Variants in GPD2 observed in about 807,000 individuals in gnomAD.
The protein encoded by GPD2 is glycerol-3-phosphate dehydrogenase, mitochondrial.
In GPD2, 54 loss-of-function variants were observed where a neutral mutation model predicts 82.4. The ratio of observed to expected loss-of-function variants is 0.66; its 90% CI spans 0.53 to 0.82. The LOEUF (loss-of-function observed/expected upper bound fraction) is 0.82, where lower values mean the gene tolerates loss of function less well. Ranked by LOEUF, GPD2 falls within the 40% of genes least tolerant of loss-of-function variation. GPD2 has a pLI of 0.00. For synonymous variants in GPD2, 288 were observed against 306.1 expected (o/e 0.94, Z 0.62); for missense variants, 748 against 896.2 (o/e 0.83, Z 2.11).
intron 1 of GPD2, among the ~76,000 whole-genome samples, chr2:156,460,743 G>T (rs1682960826): frequency 6.6e-6 from 1 of 152,210 alleles, no homozygotes; most frequent in Admixed American, 6.5e-5. Context: ...TCTCTTAGAT[G>T]ACACTGTCTG....
intron 1 of GPD2, among the ~76,000 whole-genome samples, chr2:156,466,326 A>C (rs1415982122): frequency 6.6e-6 from 1 of 152,174 alleles, no homozygotes; most frequent in Non-Finnish European, 1.5e-5. Flanking sequence ...CTTTTATAGC[A>C]ATTGTATGGA....
intron 6 of GPD2, among the ~76,000 whole-genome samples, chr2:156,537,790 A>G (rs1289919630): frequency 6.6e-6 from 1 of 152,228 alleles, no homozygotes; most frequent in African/African-American, 2.4e-5. Flanking sequence ...GAGCCTATTT[A>G]TTGAATTATC....
chr2:156,442,760 C>T (rs1435820523), intron 1 of GPD2, among the ~76,000 whole-genome samples: 2 of 152,082 alleles, frequency 1.3e-5, no homozygotes, highest in East Asian at 3.9e-4. Context: ...GATTGCATTA[C>T]TGCACTCCAG....
intron 13 of GPD2, among the ~76,000 whole-genome samples, chr2:156,575,402 C>CTTTTTTTTTTTTTTT (rs35297244): frequency 1.1e-5 from 1 of 91,202 alleles, no homozygotes; most frequent in African/African-American, 4.1e-5. Context: ...CTTTTCTTTT[C>CTTTTTTTTTTTTTTT]TTTTTTTTTT....
In GPD2 at chr2:156,568,886, A is replaced by G. The variant is rs925925813; in HGVS notation, c.1227A>G (p.Lys409=). ...SGIRPLVTDP[K]SADTQSISRN... ...TCCGTCCTCTTGTTACAGACCCCAA[A>G]TCTGCAGATACTCAGTCTATCTCCC... The change falls in exon 10 of 17, where the codon AAA becomes AAG. Residue 409 remains lysine (K), a synonymous_variant. Coordinates refer to ENST00000438166, the MANE Select transcript of GPD2 (RefSeq NM_000408.5). 6.2e-7 allele frequency: 1 copy of G among 1,611,842 alleles called. No homozygotes were observed. Among genetic ancestry groups the G allele is most frequent in the Non-Finnish European group, 8.5e-7 (1 of 1,178,114 alleles).
chr2:156,455,661 A>G (rs1266565486), intron 1 of GPD2, among the ~76,000 whole-genome samples: 7 of 152,148 alleles, frequency 4.6e-5, no homozygotes, highest in Admixed American at 4.6e-4. Flanking sequence ...AAAGTTACAT[A>G]TTGCCTTCCC....
intron 9 of GPD2, among the ~76,000 whole-genome samples, chr2:156,563,216 T>G (rs558476244): frequency 1.3e-5 from 2 of 152,340 alleles, no homozygotes; most frequent in East Asian, 3.9e-4. Context: ...TGCTTTAATA[T>G]TCCACTTAAT....
rs567002516 is a variant in GPD2, at chr2:156,523,291, T to A, written c.661+9795T>A. Reference sequence around the variant, plus strand: ...CCCTGGCAACCAATGATCTTTTCACTGTCTCCAGAGTTGTGCCTTTCCCAG... The same window carrying A: ...CCCTGGCAACCAATGATCTTTTCACAGTCTCCAGAGTTGTGCCTTTCCCAG... On this transcript the variant is annotated intron_variant, in intron 6 of 16. Coordinates refer to ENST00000438166, the MANE Select transcript of GPD2 (RefSeq NM_000408.5). 2.5e-3 allele frequency among the ~76,000 whole-genome samples: 379 copies of A among 152,298 alleles called. 4 individuals are homozygous for A. The highest frequency in any genetic ancestry group is 8.7e-3 in the African/African-American group (360 of 41,558).
At chr2:156,403,612 G>GGTGTGTGTGT in the GPD2 span, among the ~76,000 whole-genome samples, 14 of 148,006 alleles carry the variant, frequency 9.5e-5, no homozygotes, top group African/African-American at 3.0e-4. Context: ...GCATTCAAAG[G>GGTGTGTGTGT]GTGTGTGTGT....
At chr2:156,475,880 A>G (rs1683493410) in intron 1 of GPD2, among the ~76,000 whole-genome samples, 1 of 152,234 alleles carries the variant, frequency 6.6e-6, no homozygotes. Flanking sequence ...CTGTCGAACC[A>G]GAAAGTAACT....
chr2:156,486,157 A>G (rs1484481006), intron 2 of GPD2, among the ~76,000 whole-genome samples: 1 of 152,240 alleles, frequency 6.6e-6, no homozygotes, highest in Admixed American at 6.5e-5. Context: ...CACTAAAATT[A>G]TGCAGACAGA....
chr2:156,401,049 C>A, the GPD2 span, among the ~76,000 whole-genome samples: 1 of 152,200 alleles, frequency 6.6e-6, no homozygotes, highest in Admixed American at 6.5e-5. Flanking sequence ...TTCATTAATA[C>A]TTCTTTATTT....
At chr2:156,467,676 C>G (rs756682655) in intron 1 of GPD2, among the ~76,000 whole-genome samples, 3 of 152,098 alleles carry the variant, frequency 2.0e-5, no homozygotes, top group African/African-American at 4.8e-5. Context: ...TGTGAAGAAC[C>G]CTTGGGTCAA....
At chr2:156,538,616 T>C (rs570336999) in intron 6 of GPD2, among the ~76,000 whole-genome samples, 1 of 151,654 alleles carries the variant, frequency 6.6e-6, no homozygotes, top group Admixed American at 6.6e-5. Flanking sequence ...GTCAGGAGAT[T>C]GAGACCATCC....
At chr2:156,401,811 G>C in the GPD2 span, among the ~76,000 whole-genome samples, 2 of 151,976 alleles carry the variant, frequency 1.3e-5, no homozygotes. Flanking sequence ...TTCACCCTTA[G>C]TTTCCAAGGA....
At chr2:156,400,757 T>C in the GPD2 span, among the ~76,000 whole-genome samples, 35 of 152,216 alleles carry the variant, frequency 2.3e-4, no homozygotes, top group African/African-American at 4.3e-4. Context: ...ACCAGAAATA[T>C]GCTTTCGGCT....
At chr2:156,548,222 A>C (rs903660984) in intron 6 of GPD2, among the ~76,000 whole-genome samples, 2 of 152,260 alleles carry the variant, frequency 1.3e-5, no homozygotes, top group African/African-American at 4.8e-5. Flanking sequence ...TACATTAATA[A>C]AAATTGATTT....
At chr2:156,410,810 T>C in the GPD2 span, among the ~76,000 whole-genome samples, 1 of 152,222 alleles carries the variant, frequency 6.6e-6, no homozygotes, top group Non-Finnish European at 1.5e-5. Context: ...GCTTAAAAGG[T>C]AAATACTGCT....
In GPD2 at chr2:156,451,441, C is replaced by T. The variant is rs1274857484; in HGVS notation, c.-9+14928C>T. The stretch of plus-strand genomic sequence containing the variant: ...GGGGCTGACCCCCCCACCTCCCTCC[C>T]GGACGGGGCGGCTGGCCGGGCGGGG... On this transcript the variant is annotated intron_variant, in intron 1 of 16. Transcript: ENST00000438166. Among the ~76,000 whole-genome samples the T allele has an allele frequency of 7.9e-5, 10 of 126,260 alleles. No individual in the cohort carries two copies. The East Asian group carries it at 1.4e-3, about 18-fold the overall frequency. 82.8% of individuals were successfully genotyped at this position (126,260 alleles called of 152,430 possible).
Sources: allele counts gnomAD v4.1 joint callset (sites outside exome capture counted in the v4.1 genomes callset), GRCh38; gene constraint gnomAD v4.1.1; transcripts MANE v1.5; gene names NCBI Gene and HGNC (gene_info 2026-07-23, HGNC 2026-07-21).